The following BAZ1A variants were observed in gnomAD, a reference collection of about 807,000 sequenced individuals.
BAZ1A encodes bromodomain adjacent to zinc finger domain 1A.
BAZ1A carries 50 observed loss-of-function variants against 185.2 expected under a neutral mutation model. The ratio of observed to expected loss-of-function variants is 0.27; its 90% CI spans 0.22 to 0.34. The LOEUF is 0.34. Ranked by LOEUF, BAZ1A falls within the 10% of genes least tolerant of loss-of-function variation. The pLI, the probability that BAZ1A is intolerant of heterozygous loss-of-function variation, is 1.00. For missense variants in BAZ1A, 1,356 were observed against 1,839.9 expected (o/e 0.74, Z 4.81); for synonymous variants, 571 against 615.6 (o/e 0.93, Z 1.07).
At chr14:34,758,577 C>A (rs757317156) in intron 25 of BAZ1A, 127 bp downstream of exon 25, 80 of 965,538 alleles carry the variant, frequency 8.3e-5, no homozygotes, top group Non-Finnish European at 1.1e-4. Flanking sequence ...GAGACTGTCT[C>A]AGGAAAAAAC....
chr14:34,851,667 A>G (rs547999310), intron 3 of BAZ1A, among the ~76,000 whole-genome samples: 3 of 152,290 alleles, frequency 2.0e-5, no homozygotes, highest in South Asian at 2.1e-4. Flanking sequence ...AAAAAAGACA[A>G]TGAGAACAAG....
intron 23 of BAZ1A, 131 bp downstream of exon 23, chr14:34,764,576 G>A (rs1878693201): frequency 2.4e-6 from 3 of 1,264,226 alleles, no homozygotes; most frequent in Non-Finnish European, 3.2e-6. Context: ...ATAGGCATAA[G>A]CTACCGTGTC....
rs192674059 is a variant in BAZ1A, at chr14:34,763,976, C to T, written c.3776+731G>A. On this transcript the variant is annotated intron_variant, in intron 23 of 26. Coordinates refer to ENST00000360310, the MANE Select transcript of BAZ1A (RefSeq NM_013448.3). ...TAAAATTCTAAATATCCCTTTATTT[C>T]GGCCCTCAACCGGAGGTTCAAGTAA... Among the ~76,000 whole-genome samples, 297 of 152,164 alleles carry T rather than the reference C, an allele frequency of 2.0e-3. 1 individual carries two copies. Among genetic ancestry groups the T allele is most frequent in the African/African-American group, 6.5e-3 (269 of 41,508 alleles).
Position 34,874,386 on chromosome 14 carries a change from A to T in BAZ1A, c.113+106T>A. 8.0e-6 allele frequency: 9 copies of T among 1,123,462 alleles called. No homozygotes were observed. Among genetic ancestry groups the T allele is most frequent in the East Asian group, 2.6e-5 (1 of 37,784 alleles). 69.6% of individuals were successfully genotyped at this position (1,123,462 alleles called of 1,614,324 possible). A position where few individuals can be genotyped will look rare whatever the true frequency, so the allele number is the denominator to read the frequency against. On this transcript the variant is annotated intron_variant, in intron 2 of 26. Transcript: ENST00000360310. This position sits in a 1 kb window ranked among gnomAD's most constrained non-coding sequence, Gnocchi z 4.7. ...GCCCGGGGGCCACCCGTCACTTTCA[A>T]GTCGCCCCGCCAGAAGCCCAGGGCG...
Position 34,801,158 on chromosome 14 carries a change from A to C in BAZ1A, c.897T>G (p.Ser299Arg), listed in dbSNP as rs1881519765. 1 of 1,607,888 alleles carries C rather than the reference A, an allele frequency of 6.2e-7. No individual in the cohort carries two copies. The highest frequency in any genetic ancestry group is 2.2e-5 in the East Asian group (1 of 44,528). Residue 299 changes from serine (S) to arginine (R), a missense_variant, in exon 8 of 27, where the codon AGT (serine) becomes AGG (arginine). Ser to Arg is a moderately radical substitution (Grantham distance 110). Coordinates refer to ENST00000360310, the MANE Select transcript of BAZ1A (RefSeq NM_013448.3). ...TTTCTTTAGTAGCTTTGCTCCTATA[A>C]CTTGCAAGAGTCTGTTTATTAGCAA... ...DNVANKQTLA[S>R]YRSKATKERD...
chr14:34,788,023 G>GT (rs559620629), intron 12 of BAZ1A, among the ~76,000 whole-genome samples: 1,620 of 142,940 alleles, frequency 0.011, 9 homozygotes, highest in South Asian at 0.016. Flanking sequence ...GTTCATTTTT[G>GT]TTTTTTTTTT....
At chr14:34,762,798 A>T (rs1487538478) in intron 23 of BAZ1A, among the ~76,000 whole-genome samples, 2 of 152,218 alleles carry the variant, frequency 1.3e-5, no homozygotes, top group Non-Finnish European at 2.9e-5. Context: ...TCAGGACATC[A>T]TTATGAAAAT....
chr14:34,831,097 C>T (rs970060800), intron 3 of BAZ1A, among the ~76,000 whole-genome samples: 2 of 152,158 alleles, frequency 1.3e-5, no homozygotes, highest in Non-Finnish European at 2.9e-5. Context: ...AGATTAGATA[C>T]TTTGCTGACT....
At chr14:34,798,985 A>C (rs536125705) in intron 9 of BAZ1A, among the ~76,000 whole-genome samples, 2 of 152,256 alleles carry the variant, frequency 1.3e-5, no homozygotes, top group Admixed American at 1.3e-4. Context: ...GAACCAACTC[A>C]AATGTCCATC....
At chr14:34,837,304 T>C (rs915521287) in intron 3 of BAZ1A, among the ~76,000 whole-genome samples, 1 of 151,874 alleles carries the variant, frequency 6.6e-6, no homozygotes, top group Non-Finnish European at 1.5e-5. Flanking sequence ...TGCAGTGGTG[T>C]GATCTTAGTT....
chr14:34,866,555 C>G (rs918275537), intron 2 of BAZ1A, among the ~76,000 whole-genome samples: 1 of 144,552 alleles, frequency 6.9e-6, no homozygotes, highest in Non-Finnish European at 1.5e-5. Context: ...TAATATTTAG[C>G]TTCTCAAACC....
intron 3 of BAZ1A, among the ~76,000 whole-genome samples, chr14:34,827,652 G>A (rs28735013): frequency 0.014 from 2,171 of 151,304 alleles, 53 homozygotes; most frequent in African/African-American, 0.049. Flanking sequence ...GGAGAATGGC[G>A]TGAACCCAGG....
chr14:34,836,269 C>T lies in BAZ1A; in HGVS notation c.393-10113G>A, dbSNP rs1460973494. On this transcript the variant is annotated intron_variant, in intron 3 of 26. Transcript: ENST00000360310. ...TAGCGGGCGCCTGTAGTCCCAGCTA[C>T]TCGGGAGGCTGAGGCAGGAGAATGG... Among the ~76,000 whole-genome samples, 2 of 69,418 alleles carry T rather than the reference C, an allele frequency of 2.9e-5. 1 individual carries two copies. Among genetic ancestry groups the T allele is most frequent in the African/African-American group, 9.8e-5 (2 of 20,344 alleles). 45.5% of individuals were successfully genotyped at this position (69,418 alleles called of 152,430 possible). A position where few individuals can be genotyped will look rare whatever the true frequency, so the allele number is the denominator to read the frequency against.
chr14:34,830,330 C>T (rs2042223041), intron 3 of BAZ1A, among the ~76,000 whole-genome samples: 1 of 151,672 alleles, frequency 6.6e-6, no homozygotes, highest in Admixed American at 6.6e-5. Flanking sequence ...AGTACTGATA[C>T]ATGCTACAAT....
intron 23 of BAZ1A, among the ~76,000 whole-genome samples, chr14:34,764,269 G>A (rs1040169614): frequency 5.4e-5 from 8 of 147,482 alleles, no homozygotes; most frequent in Admixed American, 2.7e-4. Flanking sequence ...GCCACTATAC[G>A]TTAGTTTCTT....
rs71121227 is a variant in BAZ1A at position 34,844,205 on chromosome 14, CAAAA to C, written c.392+17835_392+17838del. Among the ~76,000 whole-genome samples the C allele has an allele frequency of 2.4e-3, 268 of 109,640 alleles. 1 individual carries two copies. Among genetic ancestry groups the C allele is most frequent in the African/African-American group, 9.6e-3 (257 of 26,652 alleles). The allele number at this position is 109,640 out of a possible 152,430, so 71.9% of individuals were successfully genotyped here. ...TGGGCGACAGAGCGAGACTCCGTCT[CAAAA>C]AAAAAAAAAAAAAAAAAAAAAAAGA... On this transcript the variant is annotated intron_variant, in intron 3 of 26. Transcript: ENST00000360310.
intron 3 of BAZ1A, among the ~76,000 whole-genome samples, chr14:34,843,469 A>AG (rs1209105236): frequency 2.6e-5 from 4 of 152,160 alleles, no homozygotes; most frequent in Admixed American, 6.5e-5. Context: ...AGTGGACTTT[A>AG]GCTACCTCAG....
intron 3 of BAZ1A, among the ~76,000 whole-genome samples, chr14:34,855,324 C>A (rs529490300): frequency 1.8e-3 from 270 of 152,130 alleles, no homozygotes; most frequent in Non-Finnish European, 3.2e-3. Flanking sequence ...AGGCAAACGA[C>A]AAGCTGCAAC....
intron 12 of BAZ1A, among the ~76,000 whole-genome samples, chr14:34,792,089 T>G (rs1880882088): frequency 6.6e-6 from 1 of 152,200 alleles, no homozygotes; most frequent in East Asian, 1.9e-4. Flanking sequence ...TAATTACAAT[T>G]AAAGTATTTC....
Sources: gnomAD v4.1 joint callset for allele counts (sites outside exome capture counted in the v4.1 genomes callset) on GRCh38, gnomAD v4.1.1 for gene constraint, Gnocchi (gnomAD v3.1) non-coding constraint, MANE v1.5 for transcripts, NCBI Gene and HGNC (gene_info 2026-07-23, HGNC 2026-07-21) for gene names.